The following CSPG5 variants were observed in gnomAD, a reference collection of about 807,000 sequenced individuals.
CSPG5 encodes acidic leucine-rich EGF-like domain-containing brain protein.
Under a neutral mutation model 39.8 loss-of-function variants are expected in CSPG5, and 25 were observed. The ratio of observed to expected loss-of-function variants is 0.63; its 90% CI spans 0.46 to 0.88. The LOEUF is 0.88. Ranked by LOEUF, CSPG5 falls within the 40% of genes least tolerant of loss-of-function variation. The probability of loss-of-function intolerance (pLI) is 0.00; values close to 1 mark genes in which losing one functional copy is unlikely to be tolerated. For missense variants in CSPG5, 627 were observed against 702.2 expected, an observed-to-expected ratio of 0.89 and a Z score of 1.21; for synonymous variants, 295 against 303.9, an observed-to-expected ratio of 0.97 and a Z score of 0.31.
chr3:47,570,990 T>C (rs769430008), intron 3 of CSPG5, among the ~76,000 whole-genome samples: 3 of 152,014 alleles, frequency 2.0e-5, no homozygotes, highest in African/African-American at 4.8e-5. Context: ...CAGTGGTGCA[T>C]TCCTGTAGTC....
At chr3:47,564,788 T>TATATATATACACACGTGTGTAC (rs1302177506) in intron 4 of CSPG5, among the ~76,000 whole-genome samples, 4 of 151,968 alleles carry the variant, frequency 2.6e-5, no homozygotes, top group African/African-American at 4.8e-5. Flanking sequence ...TGTGTGTGTA[T>TATATATATACACACGTGTGTAC]ATATATATAC....
chr3:47,565,867 C>T (rs924407524), intron 4 of CSPG5, among the ~76,000 whole-genome samples: 4 of 152,324 alleles, frequency 2.6e-5, no homozygotes, highest in South Asian at 2.1e-4. Context: ...GCTTCATTCA[C>T]GCAGTGTGCC....
intron 3 of CSPG5, among the ~76,000 whole-genome samples, chr3:47,569,865 G>A (rs1454643517): frequency 2.7e-5 from 4 of 150,294 alleles, no homozygotes; most frequent in African/African-American, 9.8e-5. Context: ...TTTCCACCTC[G>A]GCCTCCCAAG....
Position 47,577,914 on chromosome 3 carries a change from T to C in CSPG5, c.112A>G (p.Ser38Gly). Residue 38 changes from serine to glycine, a missense_variant, in exon 2 of 5, where the codon AGC becomes GGC. Ser to Gly is a moderately conservative substitution (Grantham distance 56). Coordinates refer to ENST00000264723, the MANE Select transcript of CSPG5 (RefSeq NM_006574.4). This position sits in a 1 kb window ranked among gnomAD's most constrained non-coding sequence, Gnocchi z 4.7. ...SGAVPAREAG[S>G]AVEAEELVKG... ...ACCAGCTCTTCGGCCTCAACCGCGC[T>C]GCCCGCCTCACGCGCTGCGGGCGGG... 6.9e-7 allele frequency: 1 copy of C among 1,447,394 alleles called. No individual in the cohort carries two copies. The highest frequency in any genetic ancestry group is 9.0e-7 in the Non-Finnish European group (1 of 1,113,764). The allele number at this position is 1,447,394 out of a possible 1,614,324, so 89.7% of individuals were successfully genotyped here.
intron 2 of CSPG5, among the ~76,000 whole-genome samples, chr3:47,576,023 C>T (rs2031711927): frequency 6.6e-6 from 1 of 151,104 alleles, no homozygotes; most frequent in African/African-American, 2.4e-5. Context: ...CTGCAACGTC[C>T]ACCTCCTGGG....
intron 4 of CSPG5, among the ~76,000 whole-genome samples, chr3:47,567,300 C>T (rs2031348501): frequency 1.3e-5 from 2 of 152,096 alleles, no homozygotes; most frequent in Admixed American, 1.3e-4. Context: ...GAACTGAGAG[C>T]CCCCATAGCC....
rs746592573 is a variant in CSPG5 at position 47,577,387 on chromosome 3, G to A, written c.639C>T (p.Phe213=). The change falls in exon 2 of 5, where the codon TTC becomes TTT. Residue 213 remains phenylalanine (F), a synonymous_variant. Transcript: ENST00000264723. The surrounding 1 kb of genome is among the most constrained non-coding windows in gnomAD (Gnocchi z 4.7). ...PASDIIDIDY[F]EGLDGEGRGA... The stretch of plus-strand genomic sequence containing the variant: ...CACGACCCTCACCATCCAGTCCTTC[G>A]AAGTAGTCGATGTCAATGATATCTG... 5 of 1,614,146 alleles carry A rather than the reference G, an allele frequency of 3.1e-6. No homozygotes were observed. The highest frequency in any genetic ancestry group is 4.2e-6 in the Non-Finnish European group (5 of 1,180,016).
In CSPG5 at chr3:47,578,059, C is replaced by A; in HGVS notation, c.98-131G>T. 7.8e-7 allele frequency: 1 copy of A among 1,276,768 alleles called. No homozygotes were observed. The highest frequency in any genetic ancestry group is 1.6e-5 in the African/African-American group (1 of 64,164). 79.1% of individuals were successfully genotyped at this position (1,276,768 alleles called of 1,614,324 possible). ...AGACCTCGCCACCCTCAGACCCCACCGCCCCAGTGTGACCCCAGCCACCCG... is the reference window on the plus strand; with the variant it reads ...AGACCTCGCCACCCTCAGACCCCACAGCCCCAGTGTGACCCCAGCCACCCG... On this transcript the variant is annotated intron_variant, in intron 1 of 4. Transcript: ENST00000264723. This position sits in a 1 kb window ranked among gnomAD's most constrained non-coding sequence, Gnocchi z 6.0.
intron 4 of CSPG5, among the ~76,000 whole-genome samples, chr3:47,566,301 G>C (rs2031297052): frequency 6.6e-6 from 1 of 152,186 alleles, no homozygotes; most frequent in Admixed American, 6.5e-5. Flanking sequence ...GAAGCCACGA[G>C]GCAGGCTGGA....
At chr3:47,569,429 C>T (rs916178090) in intron 3 of CSPG5, among the ~76,000 whole-genome samples, 7 of 151,202 alleles carry the variant, frequency 4.6e-5, no homozygotes, top group African/African-American at 1.5e-4. Context: ...CATGGTGAAA[C>T]CCCGTCTCTA....
At chr3:47,567,935 C>T (rs2031375787) in intron 4 of CSPG5, among the ~76,000 whole-genome samples, 1 of 152,178 alleles carries the variant, frequency 6.6e-6, no homozygotes. Flanking sequence ...TCACTTGAGC[C>T]CAGGAGTCTA....
chr3:47,572,850 C>T lies in CSPG5; in HGVS notation c.1218G>A (p.Trp406Ter). The change falls in exon 3 of 5, where the codon TGG (tryptophan) becomes TGA (stop). Residue 406 changes from tryptophan (W) to a stop codon, truncating the protein, a stop_gained. Coordinates refer to ENST00000264723, the MANE Select transcript of CSPG5 (RefSeq NM_006574.4). LOFTEE classifies it high-confidence loss of function. This position sits in a 1 kb window ranked among gnomAD's most constrained non-coding sequence, Gnocchi z 4.5. ...FCRCNTQDYI[W>*]HKGMRCESII... ...TGGACTCGCAGCGCATCCCCTTGTG[C>T]CAGATGTAGTCCTGCGTGTTGCACC... 1 of 1,613,366 alleles carries T rather than the reference C, an allele frequency of 6.2e-7. No individual in the cohort carries two copies. Among genetic ancestry groups the T allele is most frequent in the Non-Finnish European group, 8.5e-7 (1 of 1,179,490 alleles).
intron 4 of CSPG5, among the ~76,000 whole-genome samples, chr3:47,567,549 A>G (rs2031358446): frequency 6.6e-6 from 1 of 152,226 alleles, no homozygotes; most frequent in South Asian, 2.1e-4. Flanking sequence ...TTTATATCAA[A>G]GACTTTAAAA....
chr3:47,574,449 A>G (rs1184065770), intron 2 of CSPG5, among the ~76,000 whole-genome samples: 2 of 152,184 alleles, frequency 1.3e-5, no homozygotes, highest in Admixed American at 1.3e-4. Flanking sequence ...AATTTTGAGG[A>G]GCAAAATCAC....
At chr3:47,576,461 GTT>G (rs397769662) in intron 2 of CSPG5, among the ~76,000 whole-genome samples, 3 of 135,286 alleles carry the variant, frequency 2.2e-5, no homozygotes, top group African/African-American at 2.7e-5. Flanking sequence ...GTTTTGTTTT[GTT>G]TTTTTTTTTT....
intron 3 of CSPG5, among the ~76,000 whole-genome samples, chr3:47,571,597 C>T (rs913317256): frequency 2.0e-5 from 3 of 152,216 alleles, no homozygotes; most frequent in Non-Finnish European, 2.9e-5. Context: ...AGCCCCGCGG[C>T]GGTTAGCTGA....
rs911868995 is a variant in CSPG5 at position 47,578,682 on chromosome 3, G to A, written c.12C>T (p.Ala4=). ...GCCCCCGGCCCGGGCCCCCGCCCCC[G>A]GCTCGCCCCATGGCGCGGCGCCCCG... is the stretch of plus-strand genomic sequence containing the variant. MGR[A]GGGGPGRGPP... Residue 4 remains alanine, a synonymous_variant, in exon 1 of 5, where the codon GCC becomes GCT. Coordinates refer to ENST00000264723, the MANE Select transcript of CSPG5 (RefSeq NM_006574.4). This position sits in a 1 kb window ranked among gnomAD's most constrained non-coding sequence, Gnocchi z 6.0. 5 of 1,047,286 alleles carry A rather than the reference G, an allele frequency of 4.8e-6. No homozygotes were observed. The highest frequency in any genetic ancestry group is 4.7e-6 in the Non-Finnish European group (4 of 857,478). The allele number at this position is 1,047,286 out of a possible 1,614,324, so 64.9% of individuals were successfully genotyped here. A position where few individuals can be genotyped will look rare whatever the true frequency, so the allele number is the denominator to read the frequency against.
chr3:47,576,315 C>T (rs775767419), intron 2 of CSPG5, among the ~76,000 whole-genome samples: 1 of 152,136 alleles, frequency 6.6e-6, no homozygotes, highest in Non-Finnish European at 1.5e-5. Flanking sequence ...TCTGAGGAAC[C>T]TCTCCTAGTG....
In CSPG5 at chr3:47,577,653, C is replaced by A; in HGVS notation, c.373G>T (p.Ala125Ser). The change falls in exon 2 of 5, where the codon GCT becomes TCT. Residue 125 changes from alanine (A) to serine (S), a missense_variant. By Grantham distance (99) the Ala-to-Ser change is moderately conservative. Coordinates refer to ENST00000264723, the MANE Select transcript of CSPG5 (RefSeq NM_006574.4). The surrounding 1 kb of genome is among the most constrained non-coding windows in gnomAD (Gnocchi z 4.7). ...AGSGDAQALPATLQAPHEVLG... is the reference protein window; with the variant it reads ...AGSGDAQALPSTLQAPHEVLG... ...ACCTCGTGGGGAGCCTGGAGCGTAGCTGGAAGGGCCTGGGCATCGCCGCTG... is the reference window on the plus strand; with the variant it reads ...ACCTCGTGGGGAGCCTGGAGCGTAGATGGAAGGGCCTGGGCATCGCCGCTG... The A allele has an allele frequency of 6.2e-7, 1 of 1,606,424 alleles. No individual in the cohort carries two copies. The highest frequency in any genetic ancestry group is 8.5e-7 in the Non-Finnish European group (1 of 1,177,544).
Sources: gnomAD v4.1 joint callset for allele counts (sites outside exome capture counted in the v4.1 genomes callset) on GRCh38, gnomAD v4.1.1 for gene constraint, Gnocchi (gnomAD v3.1) non-coding constraint, MANE v1.5 for transcripts, NCBI Gene and HGNC (gene_info 2026-07-23, HGNC 2026-07-21) for gene names.